Variants in CSPP1 observed in about 807,000 individuals in gnomAD.
The protein encoded by CSPP1 is centrosome and spindle pole-associated protein 1.
Under a neutral mutation model 164.4 loss-of-function variants are expected in CSPP1, and 126 were observed. The observed-to-expected ratio is 0.77, with a 90% CI of 0.66 to 0.89. The LOEUF (loss-of-function observed/expected upper bound fraction) is 0.89, where lower values mean the gene tolerates loss of function less well. Ranked by LOEUF, CSPP1 falls within the 40% of genes least tolerant of loss-of-function variation. The probability of loss-of-function intolerance (pLI) is 0.00; values close to 1 mark genes in which losing one functional copy is unlikely to be tolerated. For synonymous variants in CSPP1, 472 were observed against 476.7 expected (o/e 0.99, Z 0.13); for missense variants, 1,395 against 1,449.8 (o/e 0.96, Z 0.61).
chr8:67,195,370 T>TGCCTC lies in CSPP1; in HGVS notation c.3470-11_3470-7dup. 1 of 1,604,888 alleles carries TGCCTC rather than the reference T, an allele frequency of 6.2e-7. No individual in the cohort carries two copies. Among genetic ancestry groups the TGCCTC allele is most frequent in the Non-Finnish European group, 8.5e-7 (1 of 1,171,932 alleles). Reference sequence around the variant, plus strand: ...TGTGTTACCTGAGCCACGTGTCCCTTGCCTCCTGTAGATGATGAGAGTTCA... The same window carrying TGCCTC: ...TGTGTTACCTGAGCCACGTGTCCCTTGCCTCGCCTCCTGTAGATGATGAGAGTTCA... On this transcript the variant is annotated splice_polypyrimidine_tract_variant and intron_variant, in intron 30 of 30. Coordinates refer to ENST00000678616, the MANE Select transcript of CSPP1 (RefSeq NM_001382391.1).
chr8:67,190,252 T>C (rs1181170805), intron 28 of CSPP1, among the ~76,000 whole-genome samples: 1 of 152,192 alleles, frequency 6.6e-6, no homozygotes, highest in African/African-American at 2.4e-5. Flanking sequence ...TAAAATGTAA[T>C]AAACAACTTA....
intron 21 of CSPP1, among the ~76,000 whole-genome samples, chr8:67,160,447 A>G (rs1272312040): frequency 2.0e-5 from 3 of 150,896 alleles, no homozygotes; most frequent in Non-Finnish European, 4.4e-5. Context: ...CCTGGGTGAC[A>G]GAGCGAGACT....
chr8:67,184,727 AAAT>A (rs1175566643), intron 28 of CSPP1, among the ~76,000 whole-genome samples: 1 of 148,080 alleles, frequency 6.8e-6, no homozygotes, highest in Non-Finnish European at 1.5e-5. Context: ...CTGTCTAAAA[AAAT>A]AATAATAAAA....
chr8:67,139,176 G>A (rs948757179), intron 17 of CSPP1, among the ~76,000 whole-genome samples: 1 of 152,182 alleles, frequency 6.6e-6, no homozygotes, highest in Non-Finnish European at 1.5e-5. Context: ...TCAAAAAGTA[G>A]GCAAAGGATA....
intron 1 of CSPP1, among the ~76,000 whole-genome samples, chr8:67,072,588 T>C (rs1300621545): frequency 6.6e-6 from 1 of 151,890 alleles, no homozygotes; most frequent in Admixed American, 6.6e-5. Context: ...TGGAACACTT[T>C]GGGAGGCCGA....
intron 30 of CSPP1, among the ~76,000 whole-genome samples, chr8:67,195,021 T>C (rs1391376420): frequency 6.6e-6 from 1 of 152,216 alleles, no homozygotes; most frequent in African/African-American, 2.4e-5. Context: ...GTGTAGCCAT[T>C]AGGCTTCTCC....
rs58087584 is a variant in CSPP1 at position 67,072,869 on chromosome 8, C to CAA, written c.-10-1354_-10-1353dup. ...TGTGAAACAACGAGAGAGCCTGTCT[C>CAA]AAAAAAAAAAAAAAAAAAAAAGAAA... On this transcript the variant is annotated intron_variant, in intron 1 of 30. Coordinates refer to ENST00000678616, the MANE Select transcript of CSPP1 (RefSeq NM_001382391.1). Among the ~76,000 whole-genome samples, 477 of 58,858 alleles carry CAA rather than the reference C, an allele frequency of 8.1e-3. 5 individuals are homozygous for CAA. The highest frequency in any genetic ancestry group is 0.022 in the African/African-American group (428 of 19,424). The allele number at this position is 58,858 out of a possible 152,430, so 38.6% of individuals were successfully genotyped here.
At chr8:67,159,509 CTTTTTTTTTTTTTTTTTT>C (rs1172369424) in intron 21 of CSPP1, among the ~76,000 whole-genome samples, 3 of 48,916 alleles carry the variant, frequency 6.1e-5, no homozygotes, top group Non-Finnish European at 8.2e-5. Context: ...TATATGTATT[CTTTTTTTTTTTTTTTTTT>C]TTTTTTTTTT....
Position 67,158,790 on chromosome 8 carries a change from T to A in CSPP1, c.2391+194T>A, listed in dbSNP as rs147836368. On this transcript the variant is annotated intron_variant, in intron 20 of 30. Coordinates refer to ENST00000678616, the MANE Select transcript of CSPP1 (RefSeq NM_001382391.1). ...TAAGAAAGGAGATAAGTGATGACTTTAAAAATATAGATGTAGGCTGACTGA... is the reference window on the plus strand; with the variant it reads ...TAAGAAAGGAGATAAGTGATGACTTAAAAAATATAGATGTAGGCTGACTGA... Among the ~76,000 whole-genome samples the A allele has an allele frequency of 7.5e-3, 1,147 of 152,294 alleles. 49 individuals are homozygous for A. The highest frequency in any genetic ancestry group is 8.1e-3 in the East Asian group (42 of 5,188).
rs36084458 is a variant in CSPP1 at position 67,177,070 on chromosome 8, C to CAA, written c.3110-588_3110-587dup. Among the ~76,000 whole-genome samples the CAA allele has an allele frequency of 9.0e-3, 447 of 49,838 alleles. 2 individuals carry two copies. Among genetic ancestry groups the CAA allele is most frequent in the Middle Eastern group, 0.021 (2 of 94 alleles). 32.7% of individuals were successfully genotyped at this position (49,838 alleles called of 152,430 possible). A position where few individuals can be genotyped will look rare whatever the true frequency, so the allele number is the denominator to read the frequency against. Reference sequence around the variant, plus strand: ...TGGGCAACAGAGTGAGACTTAGTCTCAAAAAAAAAAAAAAAAAAAAAAAGA... The same window carrying CAA: ...TGGGCAACAGAGTGAGACTTAGTCTCAAAAAAAAAAAAAAAAAAAAAAAAAGA... On this transcript the variant is annotated intron_variant, in intron 26 of 30. Coordinates refer to ENST00000678616, the MANE Select transcript of CSPP1 (RefSeq NM_001382391.1).
intron 4 of CSPP1, among the ~76,000 whole-genome samples, chr8:67,090,549 G>T (rs1434193142): frequency 6.6e-6 from 1 of 152,120 alleles, no homozygotes. Context: ...CTCCCAACCT[G>T]CTAGGATTAC....
rs764124315 is a variant in CSPP1, at chr8:67,164,462, C to T, written c.2782C>T (p.Gln928Ter). Residue 928 changes from glutamine to a stop codon, truncating the protein, a stop_gained, in exon 24 of 31, where the codon CAA becomes TAA. Coordinates refer to ENST00000678616, the MANE Select transcript of CSPP1 (RefSeq NM_001382391.1). LOFTEE classifies it high-confidence loss of function. The stretch of plus-strand genomic sequence containing the variant: ...GCTTCGTAGTGAAGAGAGGCGTCTA[C>T]AAGAGCGATTGCTACACATGGACAG... ...KQLRSEERRL[Q>*]ERLLHMDSDD... 1 of 1,603,428 alleles carries T rather than the reference C, an allele frequency of 6.2e-7. No homozygotes were observed. Among genetic ancestry groups the T allele is most frequent in the East Asian group, 2.2e-5 (1 of 44,824 alleles).
chr8:67,184,617 T>A (rs1833924181), intron 28 of CSPP1, among the ~76,000 whole-genome samples: 2 of 151,712 alleles, frequency 1.3e-5, no homozygotes, highest in Admixed American at 1.3e-4. Context: ...CCCAGCTATC[T>A]GGGAGGCTGA....
Position 67,064,415 on chromosome 8 carries a change from A to G in CSPP1, c.-134A>G, listed in dbSNP as rs1032932430. The G allele has an allele frequency of 2.5e-6, 4 of 1,613,776 alleles. No individual in the cohort carries two copies. The highest frequency in any genetic ancestry group is 2.7e-5 in the African/African-American group (2 of 75,036). On this transcript the variant is annotated 5_prime_UTR_variant, in exon 1 of 31. Coordinates refer to ENST00000678616, the MANE Select transcript of CSPP1 (RefSeq NM_001382391.1). ...AGGTCTGTCATGCTGTTCCCGCTCC[A>G]GGTGGCCGCTGTAACCTCTTCGGTC...
chr8:67,165,623 CA>C (rs1165080812), intron 24 of CSPP1, among the ~76,000 whole-genome samples: 6 of 152,198 alleles, frequency 3.9e-5, no homozygotes. Context: ...CCTCCTCCTC[CA>C]GTCTGGATTT....
chr8:67,180,230 C>T (rs962261010), intron 28 of CSPP1, among the ~76,000 whole-genome samples: 1 of 152,100 alleles, frequency 6.6e-6, no homozygotes, highest in African/African-American at 2.4e-5. Context: ...TAAAAAAACT[C>T]TGGTACATCC....
intron 11 of CSPP1, 84 bp downstream of exon 11, chr8:67,113,946 G>A: frequency 1.3e-6 from 1 of 767,988 alleles, no homozygotes; most frequent in Non-Finnish European, 2.2e-6. Context: ...AGAGAATATT[G>A]GGAGAAAAAG....
At chr8:67,090,262 T>C (rs1006524702) in intron 4 of CSPP1, among the ~76,000 whole-genome samples, 8 of 152,126 alleles carry the variant, frequency 5.3e-5, no homozygotes, top group Admixed American at 1.3e-4. Flanking sequence ...CACAACTCAT[T>C]TGTAAATTCA....
In CSPP1 at chr8:67,196,213, A is replaced by G. The variant is rs1837907075; in HGVS notation, c.*620A>G. On this transcript the variant is annotated 3_prime_UTR_variant, in exon 31 of 31. Transcript: ENST00000678616. ...AGGCATTTGTCTTGTTACTAATTAC[A>G]TGATGTAACTACTTCTTGATATAAA... The G allele has an allele frequency of 6.6e-6, 1 of 152,270 alleles. No homozygotes were observed. The highest frequency in any genetic ancestry group is 2.1e-4 in the South Asian group (1 of 4,828). The allele number at this position is 152,270 out of a possible 1,614,324, so 9.4% of individuals were successfully genotyped here.
Sources: allele counts gnomAD v4.1 joint callset (sites outside exome capture counted in the v4.1 genomes callset), GRCh38; gene constraint gnomAD v4.1.1; transcripts MANE v1.5; gene names NCBI Gene and HGNC (gene_info 2026-07-23, HGNC 2026-07-21).